IQCH: variants seen among roughly 807,000 people sequenced by gnomAD.
The protein encoded by IQCH is IQ domain-containing protein H.
A neutral mutation model predicts 117.0 loss-of-function variants in IQCH; 98 were observed. The observed-to-expected ratio is 0.84, with a 90% CI of 0.71 to 0.99. IQCH has a LOEUF of 0.99. IQCH is among the 50% of genes least tolerant of loss of function. The pLI, the probability that IQCH is intolerant of heterozygous loss-of-function variation, is 0.00. For synonymous variants in IQCH, 412 were observed against 448.2 expected, an observed-to-expected ratio of 0.92 and a Z score of 1.02; for missense variants, 1,102 against 1,243.8, an observed-to-expected ratio of 0.89 and a Z score of 1.72.
At chr15:67,343,851 C>T (rs1250773278) in intron 5 of IQCH, among the ~76,000 whole-genome samples, 1 of 152,084 alleles carries the variant, frequency 6.6e-6, no homozygotes, top group African/African-American at 2.4e-5. Context: ...CATATTACTG[C>T]CATTGGAAAT....
At chr15:67,328,489 GA>G (rs1270970039) in intron 4 of IQCH, among the ~76,000 whole-genome samples, 2 of 152,036 alleles carry the variant, frequency 1.3e-5, no homozygotes, top group African/African-American at 4.8e-5. Flanking sequence ...TAAGTAAAAA[GA>G]AAAACTATAG....
At position 67,416,512 on chromosome 15, in the gene IQCH, C is replaced by T. The variant is rs892632253; in HGVS notation, c.2098-419C>T. 4.0e-5 allele frequency among the ~76,000 whole-genome samples: 6 copies of T among 149,374 alleles called. No individual in the cohort carries two copies. Among genetic ancestry groups the T allele is most frequent in the African/African-American group, 1.2e-4 (5 of 40,508 alleles). The stretch of plus-strand genomic sequence containing the variant: ...AGCCTGGGCAACAAGAGCAAAACTG[C>T]GTCTCAAAAAAAAAAAGAAAAAACA... On this transcript the variant is annotated intron_variant, in intron 14 of 20. Transcript: ENST00000335894. This position sits in a 1 kb window ranked among gnomAD's most constrained non-coding sequence, Gnocchi z 5.1.
At position 67,408,619 on chromosome 15, in the gene IQCH, T is replaced by G. The variant is rs2081365477; in HGVS notation, c.2098-8312T>G. ...GCTTGCCCATTCCTTTTGCATAAAA[T>G]TAAAATATAAATTCTCCTGATAGTC... On this transcript the variant is annotated intron_variant, in intron 14 of 20. Transcript: ENST00000335894. This position sits in a 1 kb window ranked among gnomAD's most constrained non-coding sequence, Gnocchi z 4.2. 1 of 152,184 alleles carries G rather than the reference T, an allele frequency of 6.6e-6. No homozygotes were observed. Among genetic ancestry groups the G allele is most frequent in the Non-Finnish European group, 1.5e-5 (1 of 68,026 alleles). 9.4% of individuals were successfully genotyped at this position (152,184 alleles called of 1,614,324 possible). A position where few individuals can be genotyped will look rare whatever the true frequency, so the allele number is the denominator to read the frequency against.
rs563680866 is a variant in IQCH at position 67,453,667 on chromosome 15, G to T, written c.2506-11460G>T. 3.0e-3 allele frequency among the ~76,000 whole-genome samples: 450 copies of T among 152,272 alleles called. 3 individuals are homozygous for T. Among genetic ancestry groups the T allele is most frequent in the African/African-American group, 0.01 (433 of 41,554 alleles). On this transcript the variant is annotated intron_variant, in intron 16 of 20. Coordinates refer to ENST00000335894, the MANE Select transcript of IQCH (RefSeq NM_001031715.3). This position sits in a 1 kb window ranked among gnomAD's most constrained non-coding sequence, Gnocchi z 5.8. ...GGTGCCTCCCAGTTAGGCTACTCAG[G>T]GGTCAGGGACCCACTTGAGGAGGCA...
At chr15:67,418,233 G>A (rs973299939) in intron 15 of IQCH, among the ~76,000 whole-genome samples, 2 of 152,126 alleles carry the variant, frequency 1.3e-5, no homozygotes, top group African/African-American at 4.8e-5. Context: ...CAATGTATGA[G>A]AGTGTATGAA....
intron 8 of IQCH, chr15:67,371,519 C>T (rs774311501): frequency 3.2e-6 from 5 of 1,577,258 alleles, no homozygotes; most frequent in Non-Finnish European, 4.3e-6. Flanking sequence ...CAAGAGAAAC[C>T]TAAGAATGAC....
Position 67,353,470 on chromosome 15 carries a change from A to G in IQCH, c.638-3875A>G, listed in dbSNP as rs542748265. The stretch of plus-strand genomic sequence containing the variant: ...TGCCTCCAGGGCTCAAGCAGTTCTC[A>G]TGCCTCAGCCTCCCGAGTAGCTGGG... On this transcript the variant is annotated intron_variant, in intron 6 of 20. Coordinates refer to ENST00000335894, the MANE Select transcript of IQCH (RefSeq NM_001031715.3). Among the ~76,000 whole-genome samples, 125 of 151,272 alleles carry G rather than the reference A, an allele frequency of 8.3e-4. 2 individuals carry two copies. Among genetic ancestry groups the G allele is most frequent in the Non-Finnish European group, 2.4e-4 (16 of 67,812 alleles).
chr15:67,426,041 A>C lies in IQCH; in HGVS notation c.2505+4464A>C, dbSNP rs953957723. 3.3e-5 allele frequency among the ~76,000 whole-genome samples: 5 copies of C among 152,092 alleles called. No individual in the cohort carries two copies. Among genetic ancestry groups the C allele is most frequent in the African/African-American group, 1.2e-4 (5 of 41,396 alleles). ...TTTGACATGTCCTCATCATTCTTTG[A>C]GCATGTCTTACTTTCTGACACAATA... On this transcript the variant is annotated intron_variant, in intron 16 of 20. Transcript: ENST00000335894. The surrounding 1 kb of genome is among the most constrained non-coding windows in gnomAD (Gnocchi z 5.1).
chr15:67,325,178 A>G (rs894157754), intron 4 of IQCH, among the ~76,000 whole-genome samples: 2 of 152,066 alleles, frequency 1.3e-5, no homozygotes, highest in Non-Finnish European at 2.9e-5. Context: ...TCTTCTGCCT[A>G]CTCAAATTTG....
In IQCH at chr15:67,344,108, G is replaced by A. The variant is rs749121911; in HGVS notation, c.554G>A (p.Arg185Lys). 3.1e-6 allele frequency: 5 copies of A among 1,613,198 alleles called. No homozygotes were observed. The highest frequency in any genetic ancestry group is 4.5e-5 in the East Asian group (2 of 44,854). Reference sequence around the variant, plus strand: ...CGAGGGCTGATTCCACCAACAGCAAGGATTACCTTTCAGAATCCACCCATT... The same window carrying A: ...CGAGGGCTGATTCCACCAACAGCAAAGATTACCTTTCAGAATCCACCCATT... ...IERGLIPPTA[R>K]ITFQNPPITP... The change falls in exon 6 of 21, where the codon AGG becomes AAG. Residue 185 changes from arginine (R) to lysine (K), a missense_variant. Around this residue, in one of 2 missense-constraint regions of IQCH, gnomAD observed 452 missense variants for 449.6 expected, o/e 1.01. Transcript: ENST00000335894.
At chr15:67,260,290 G>A (rs1415674910) in intron 1 of IQCH, among the ~76,000 whole-genome samples, 1 of 152,042 alleles carries the variant, frequency 6.6e-6, no homozygotes, top group African/African-American at 2.4e-5. Flanking sequence ...AATTTCATAG[G>A]GCCCATTTTA....
intron 15 of IQCH, 143 bp from the exon 16 acceptor site, chr15:67,421,148 C>T (rs2081728271): frequency 7.7e-6 from 5 of 649,862 alleles, no homozygotes; most frequent in Middle Eastern, 8.2e-4. Flanking sequence ...TTTATTATGC[C>T]CATATTACGG....
intron 20 of IQCH, among the ~76,000 whole-genome samples, chr15:67,497,331 A>C (rs1171016166): frequency 6.6e-6 from 1 of 152,068 alleles, no homozygotes; most frequent in Non-Finnish European, 1.5e-5. Flanking sequence ...CTCAAAAAAA[A>C]AGAAAGAAAG....
intron 4 of IQCH, among the ~76,000 whole-genome samples, chr15:67,319,299 A>G (rs1251363943): frequency 6.6e-6 from 1 of 152,168 alleles, no homozygotes; most frequent in African/African-American, 2.4e-5. Context: ...CCTCATTACA[A>G]GAAAAGTCCA....
At chr15:67,338,115 T>C (rs1169620802) in intron 5 of IQCH, among the ~76,000 whole-genome samples, 3 of 152,334 alleles carry the variant, frequency 2.0e-5, no homozygotes, top group Non-Finnish European at 4.4e-5. Context: ...AGTGTTCCCA[T>C]TTCTTGCTTT....
chr15:67,356,402 C>T lies in IQCH; in HGVS notation c.638-943C>T, dbSNP rs184224870. Among the ~76,000 whole-genome samples, 18 of 152,274 alleles carry T rather than the reference C, an allele frequency of 1.2e-4. No homozygotes were observed. The highest frequency in any genetic ancestry group is 4.3e-4 in the African/African-American group (18 of 41,570). On this transcript the variant is annotated intron_variant, in intron 6 of 20. Transcript: ENST00000335894. This position sits in a 1 kb window ranked among gnomAD's most constrained non-coding sequence, Gnocchi z 5.3. Reference sequence around the variant, plus strand: ...TGAAAAGGCTCTGCTATTTTTCCTACTCTTTAAAAAAGAGCTGAAGATATT... The same window carrying T: ...TGAAAAGGCTCTGCTATTTTTCCTATTCTTTAAAAAAGAGCTGAAGATATT...
In IQCH at chr15:67,370,621, A is replaced by T. The variant is rs1970493258; in HGVS notation, c.754-1490A>T. ...TCTCTTGCCCATCCAAGAAGAAGGAATTTATTTTCATCTACCAAGTAGCTT... is the reference window on the plus strand; with the variant it reads ...TCTCTTGCCCATCCAAGAAGAAGGATTTTATTTTCATCTACCAAGTAGCTT... On this transcript the variant is annotated intron_variant, in intron 8 of 20. Coordinates refer to ENST00000335894, the MANE Select transcript of IQCH (RefSeq NM_001031715.3). The surrounding 1 kb of genome is among the most constrained non-coding windows in gnomAD (Gnocchi z 5.6). 6.6e-6 allele frequency among the ~76,000 whole-genome samples: 1 copy of T among 152,184 alleles called. No homozygotes were observed. The highest frequency in any genetic ancestry group is 2.1e-4 in the South Asian group (1 of 4,836).
chr15:67,280,927 A>C (rs1966328735), intron 4 of IQCH, among the ~76,000 whole-genome samples: 1 of 151,958 alleles, frequency 6.6e-6, no homozygotes, highest in Non-Finnish European at 1.5e-5. Context: ...GCTCACTGCA[A>C]CCTCTGCCCC....
At position 67,395,436 on chromosome 15, in the gene IQCH, T is replaced by C. The variant is rs1468907583; in HGVS notation, c.1778T>C (p.Ile593Thr). The C allele has an allele frequency of 3.1e-6, 5 of 1,613,948 alleles. No homozygotes were observed. The Admixed American group carries it at 8.3e-5, about 27-fold the overall frequency. Reference sequence around the variant, plus strand: ...TTAGCTGTGGCCGATATGTTAGACATACCCATCCTGGGCTCTGAGCCTGAA... The same window carrying C: ...TTAGCTGTGGCCGATATGTTAGACACACCCATCCTGGGCTCTGAGCCTGAA... ...DDLAVADMLD[I>T]PILGSEPELA... Residue 593 changes from isoleucine (I) to threonine (T), a missense_variant, in exon 13 of 21, where the codon ATA becomes ACA. Transcript: ENST00000335894. The surrounding 1 kb of genome is among the most constrained non-coding windows in gnomAD (Gnocchi z 4.0).
Sources: gnomAD v4.1 joint callset for allele counts (sites outside exome capture counted in the v4.1 genomes callset) on GRCh38, gnomAD v4.1.1 for gene constraint, gnomAD v4.1.1 regional missense constraint, Gnocchi (gnomAD v3.1) non-coding constraint, MANE v1.5 for transcripts, NCBI Gene and HGNC (gene_info 2026-07-23, HGNC 2026-07-21) for gene names.